The following TIAM1 variants were observed in gnomAD, a reference collection of about 807,000 sequenced individuals.
The protein encoded by TIAM1 is rho guanine nucleotide exchange factor TIAM1.
TIAM1 carries 65 observed loss-of-function variants against 163.5 expected under a neutral mutation model. That is an observed-to-expected ratio of 0.40 (90% confidence interval 0.33 to 0.49). The LOEUF is 0.49. Ranked by LOEUF, TIAM1 falls within the 20% of genes least tolerant of loss-of-function variation. TIAM1 has a pLI of 0.77. For missense variants in TIAM1, 1,789 were observed against 2,044.7 expected (o/e 0.87, Z 2.41); for synonymous variants, 833 against 810.1 (o/e 1.03, Z -0.48).
intron 2 of TIAM1, among the ~76,000 whole-genome samples, chr21:31,461,670 T>TTG (rs1163198225): frequency 2.6e-5 from 4 of 151,920 alleles, no homozygotes; most frequent in East Asian, 1.9e-4. Flanking sequence ...TTTGATCCTT[T>TTG]TGTGTGTGTG....
chr21:31,199,910 T>TAAAAA (rs113858336), intron 12 of TIAM1, among the ~76,000 whole-genome samples: 1 of 130,952 alleles, frequency 7.6e-6, no homozygotes, highest in African/African-American at 2.8e-5. Flanking sequence ...AACATCACAT[T>TAAAAA]AAAAAAAAAA....
chr21:31,155,065 A>G (rs1232015677), intron 16 of TIAM1, among the ~76,000 whole-genome samples: 2 of 152,244 alleles, frequency 1.3e-5, no homozygotes, highest in Non-Finnish European at 2.9e-5. Context: ...ACTCCCCTTT[A>G]AGAATAACGA....
chr21:31,372,783 C>T (rs531986866), intron 2 of TIAM1, among the ~76,000 whole-genome samples: 29 of 151,876 alleles, frequency 1.9e-4, no homozygotes, highest in African/African-American at 4.6e-4. Context: ...CTCAGTGGTG[C>T]GGTGGCTCAC....
chr21:31,170,804 G>A (rs1015564688), intron 15 of TIAM1, among the ~76,000 whole-genome samples: 4 of 152,114 alleles, frequency 2.6e-5, no homozygotes, highest in Non-Finnish European at 4.4e-5. Context: ...TTGGGAGGCA[G>A]AGGCAGGCGG....
rs567616690 is a variant in TIAM1 at position 31,155,793 on chromosome 21, G to A, written c.2992-1367C>T. ...TGGGATTACAGGCGTGAGCCACCGC[G>A]CCCGGCCCCGGAAATTTTCTTGAAG... On this transcript the variant is annotated intron_variant, in intron 16 of 27. Coordinates refer to ENST00000541036, the MANE Select transcript of TIAM1 (RefSeq NM_001353694.2). Among the ~76,000 whole-genome samples, 21 of 152,294 alleles carry A rather than the reference G, an allele frequency of 1.4e-4. No individual in the cohort carries two copies. The Middle Eastern group carries it at 0.01, about 74-fold the overall frequency.
chr21:31,535,036 G>A (rs2048083591), intron 1 of TIAM1, among the ~76,000 whole-genome samples: 1 of 151,960 alleles, frequency 6.6e-6, no homozygotes. Flanking sequence ...GCTGCAGTGA[G>A]CCATGACTGT....
intron 2 of TIAM1, among the ~76,000 whole-genome samples, chr21:31,388,255 ACAC>A (rs1234866416): frequency 5.7e-5 from 5 of 87,004 alleles, no homozygotes; most frequent in Non-Finnish European, 1.0e-4. Context: ...ACACACACAC[ACAC>A]AACCTCTTAC....
intron 2 of TIAM1, among the ~76,000 whole-genome samples, chr21:31,434,386 G>A (rs2044141662): frequency 6.6e-6 from 1 of 152,160 alleles, no homozygotes; most frequent in Admixed American, 6.5e-5. Context: ...ACAGGGAGAG[G>A]GAACTCGAGC....
chr21:31,494,944 C>T lies in TIAM1; in HGVS notation c.-421-30909G>A, dbSNP rs769026399. ...AATAGAATTAGAGGTTCTCTGAGAA[C>T]GTGCAAGGATGTCCTCATTCTTCAG... On this transcript the variant is annotated intron_variant, in intron 1 of 28. Transcript: ENST00000286827. Among the ~76,000 whole-genome samples the T allele has an allele frequency of 3.3e-5, 5 of 152,288 alleles. 1 individual carries two copies. The highest frequency in any genetic ancestry group is 7.2e-5 in the African/African-American group (3 of 41,560).
At chr21:31,500,297 C>T (rs1469066947) in intron 1 of TIAM1, among the ~76,000 whole-genome samples, 1 of 152,174 alleles carries the variant, frequency 6.6e-6, no homozygotes, top group Admixed American at 6.5e-5. Flanking sequence ...CAGCATATGA[C>T]TGGGTCAGCT....
chr21:31,487,847 G>A (rs546126988), intron 1 of TIAM1, among the ~76,000 whole-genome samples: 1 of 152,000 alleles, frequency 6.6e-6, no homozygotes, highest in East Asian at 1.9e-4. Flanking sequence ...GTGAGCCACC[G>A]CGCCCGGCCT....
At chr21:31,151,795 T>G (rs2083383440) in intron 19 of TIAM1, among the ~76,000 whole-genome samples, 1 of 152,120 alleles carries the variant, frequency 6.6e-6, no homozygotes, top group African/African-American at 2.4e-5. Flanking sequence ...AGCAATGTGC[T>G]TTGTTAATTG....
rs1048658952 is a variant in TIAM1, at chr21:31,141,913, G to T, written c.3476-409C>A. Among the ~76,000 whole-genome samples the T allele has an allele frequency of 2.6e-5, 4 of 152,152 alleles. No homozygotes were observed. The highest frequency in any genetic ancestry group is 5.9e-5 in the Non-Finnish European group (4 of 68,036). On this transcript the variant is annotated intron_variant, in intron 20 of 27. Transcript: ENST00000541036. The surrounding 1 kb of genome is among the most constrained non-coding windows in gnomAD (Gnocchi z 4.7). ...GATAGTAAAAGACTTGCCAGGAAAT[G>T]TGCCTTTTATAGAGTCCCCACACAC...
At chr21:31,308,111 C>T (rs1215120995) in intron 2 of TIAM1, among the ~76,000 whole-genome samples, 2 of 152,144 alleles carry the variant, frequency 1.3e-5, no homozygotes, top group South Asian at 2.1e-4. Context: ...ATTAGTTGGG[C>T]GTGGTGGTGT....
intron 1 of TIAM1, among the ~76,000 whole-genome samples, chr21:31,476,678 G>A (rs111388723): frequency 2.7e-4 from 41 of 152,192 alleles, no homozygotes; most frequent in African/African-American, 8.9e-4. Context: ...ATGCACGGAG[G>A]GACGCCATGA....
chr21:31,317,204 C>T (rs2075153874), intron 2 of TIAM1, among the ~76,000 whole-genome samples: 1 of 152,186 alleles, frequency 6.6e-6, no homozygotes, highest in African/African-American at 2.4e-5. Flanking sequence ...CCTGTACTCC[C>T]AGCACTTTGG....
intron 1 of TIAM1, among the ~76,000 whole-genome samples, chr21:31,549,465 C>A (rs866528594): frequency 2.5e-5 from 3 of 121,566 alleles, no homozygotes; most frequent in African/African-American, 9.0e-5. Context: ...ATTCTTACAA[C>A]TTATTAATAA....
chr21:31,215,330 C>T (rs902134875), intron 9 of TIAM1, among the ~76,000 whole-genome samples: 5 of 152,008 alleles, frequency 3.3e-5, no homozygotes, highest in South Asian at 2.1e-4. Context: ...GTGGCTCATG[C>T]CTATAATCCC....
chr21:31,202,875 T>A lies in TIAM1; in HGVS notation c.2493+33A>T. ...CTCATAATTTGAAGATAATCTCCCA[T>A]AAAGTGTGCTTGGACAACAGTCATA... On this transcript the variant is annotated intron_variant, in intron 12 of 27. Transcript: ENST00000541036. 1.3e-6 allele frequency: 2 copies of A among 1,570,038 alleles called. 1 individual carries two copies. Among genetic ancestry groups the A allele is most frequent in the South Asian group, 2.2e-5 (2 of 89,602 alleles).
Sources: gnomAD v4.1 joint callset for allele counts (sites outside exome capture counted in the v4.1 genomes callset) on GRCh38, gnomAD v4.1.1 for gene constraint, Gnocchi (gnomAD v3.1) non-coding constraint, MANE v1.5 for transcripts, NCBI Gene and HGNC (gene_info 2026-07-23, HGNC 2026-07-21) for gene names.